Variants in COL6A3 observed in about 807,000 individuals in gnomAD.
COL6A3 encodes collagen alpha-3(VI) chain.
COL6A3 carries 137 observed loss-of-function variants against 274.1 expected under a neutral mutation model. The observed-to-expected ratio is 0.50, with a 90% CI of 0.44 to 0.58. The LOEUF (loss-of-function observed/expected upper bound fraction) is 0.58, where lower values mean the gene tolerates loss of function less well. COL6A3 is among the 20% of genes least tolerant of loss of function. COL6A3 has a pLI of 0.00. For synonymous variants in COL6A3, 1,650 were observed against 1,650.6 expected (o/e 1.00, Z 0.01); for missense variants, 3,950 against 4,124.9 (o/e 0.96, Z 1.16).
Position 237,324,560 on chromosome 2 carries a change from A to T in COL6A3, c.*214T>A, listed in dbSNP as rs1449926381. On this transcript the variant is annotated 3_prime_UTR_variant, in exon 44 of 44. Transcript: ENST00000295550. ...TTACACAACATTCAAAGTATTCGAG[A>T]GAACTGCCTGGAGACAGAGAGCGAG... 2 of 569,146 alleles carry T rather than the reference A, an allele frequency of 3.5e-6. No homozygotes were observed. The highest frequency in any genetic ancestry group is 6.4e-6 in the Non-Finnish European group (2 of 314,018). 35.3% of individuals were successfully genotyped at this position (569,146 alleles called of 1,614,324 possible). A position where few individuals can be genotyped will look rare whatever the true frequency, so the allele number is the denominator to read the frequency against.
intron 42 of COL6A3, among the ~76,000 whole-genome samples, chr2:237,332,117 A>ATATATATATATGTG (rs35490728): frequency 7.8e-5 from 5 of 64,206 alleles, no homozygotes; most frequent in East Asian, 6.7e-4. Context: ...ATATATATAT[A>ATATATATATATGTG]TGAAAAGAAA....
rs1279905986 is a variant in COL6A3 at position 237,379,100 on chromosome 2, A to G, written c.2033T>C (p.Val678Ala). 6.2e-7 allele frequency: 1 copy of G among 1,614,248 alleles called. No homozygotes were observed. Among genetic ancestry groups the G allele is most frequent in the Admixed American group, 1.7e-5 (1 of 60,030 alleles). ...SLDIGNDNIRVGLVQFSDTPV... is the reference protein window; with the variant it reads ...SLDIGNDNIRAGLVQFSDTPV... ...AGTGTCACTAAATTGCACTAAACCA[A>G]CACGAATATTGTCATTTCCAATATC... The change falls in exon 6 of 44, where the codon GTT becomes GCT. Residue 678 changes from valine (V) to alanine (A), a missense_variant. Transcript: ENST00000295550.
intron 3 of COL6A3, among the ~76,000 whole-genome samples, chr2:237,392,685 T>G (rs1023347997): frequency 6.6e-6 from 1 of 152,248 alleles, no homozygotes; most frequent in African/African-American, 2.4e-5. Flanking sequence ...TCCTCATGCC[T>G]ACTAAATACA....
chr2:237,337,800 G>A (rs72984182), intron 39 of COL6A3, among the ~76,000 whole-genome samples: 10,439 of 152,280 alleles, frequency 0.069, 477 homozygotes, highest in Non-Finnish European at 0.1. Context: ...TGGCACCCGA[G>A]ATGGAGCAGG....
chr2:237,370,348 T>A (rs1290878877), intron 9 of COL6A3, among the ~76,000 whole-genome samples: 1 of 151,650 alleles, frequency 6.6e-6, no homozygotes, highest in Non-Finnish European at 1.5e-5. Context: ...AAGTGATTCA[T>A]CTGCCTCAGC....
intron 17 of COL6A3, 124 bp from the exon 18 acceptor site, chr2:237,359,512 A>G: frequency 6.0e-6 from 6 of 1,005,186 alleles, no homozygotes; most frequent in Middle Eastern, 2.8e-4. Context: ...TGAAAATGTA[A>G]TATTAGAGTC....
Position 237,325,577 on chromosome 2 carries a change from T to C in COL6A3, c.9476A>G (p.Glu3159Gly). 1 of 1,614,186 alleles carries C rather than the reference T, an allele frequency of 6.2e-7. No homozygotes were observed. The highest frequency in any genetic ancestry group is 1.1e-5 in the South Asian group (1 of 91,082). ...ENKFGSQKEC[E>G]KVCAPVLAKP... ...TCACTTACCAGGAGCGCAAACCTTTTCACATTCTTTCTGTGATCCAAATTT... is the reference window on the plus strand; with the variant it reads ...TCACTTACCAGGAGCGCAAACCTTTCCACATTCTTTCTGTGATCCAAATTT... Residue 3159 changes from glutamate (E) to glycine (G), a missense_variant, in exon 43 of 44, where the codon GAA becomes GGA. Physicochemically the swap from Glu to Gly is moderately conservative, Grantham distance 98. Around this residue, in one of 5 missense-constraint regions of COL6A3, gnomAD observed 1,284 missense variants for 1,349.7 expected, o/e 0.95. Transcript: ENST00000295550.
intron 25 of COL6A3, among the ~76,000 whole-genome samples, chr2:237,352,882 C>T (rs1409437140): frequency 6.6e-6 from 1 of 152,222 alleles, no homozygotes; most frequent in African/African-American, 2.4e-5. Context: ...CCTAAATCTC[C>T]ATCAACCAAT....
Position 237,378,719 on chromosome 2 carries a change from A to G in COL6A3, c.2414T>C (p.Leu805Pro). 1 of 1,614,022 alleles carries G rather than the reference A, an allele frequency of 6.2e-7. No individual in the cohort carries two copies. ...LVYLMDDFSS[L>P]PALPQQLIQP... ...AATCAGCTGCTGAGGCAAAGCTGGC[A>G]GGGAGCTGAAATCATCCATGAGATA... is the stretch of plus-strand genomic sequence containing the variant. Residue 805 changes from leucine (L) to proline (P), a missense_variant, in exon 6 of 44, where the codon CTG becomes CCG. Transcript: ENST00000295550.
intron 3 of COL6A3, among the ~76,000 whole-genome samples, chr2:237,394,087 T>C (rs1195592647): frequency 2.0e-5 from 3 of 152,206 alleles, no homozygotes; most frequent in Non-Finnish European, 4.4e-5. Flanking sequence ...TTTCTTGTAA[T>C]TCCGATTCTA....
chr2:237,403,951 CTGAG>C (rs1037214960), intron 1 of COL6A3, among the ~76,000 whole-genome samples: 10 of 151,632 alleles, frequency 6.6e-5, no homozygotes, highest in African/African-American at 1.9e-4. Flanking sequence ...AGACCCATTC[CTGAG>C]TGTTTCTTCA....
Position 237,387,928 on chromosome 2 carries a change from G to T in COL6A3, c.966C>A (p.Ile322=), listed in dbSNP as rs369160080. 5.6e-6 allele frequency: 9 copies of T among 1,614,158 alleles called. No homozygotes were observed. Among genetic ancestry groups the T allele is most frequent in the African/African-American group, 1.3e-5 (1 of 75,040 alleles). Residue 322 remains isoleucine, a synonymous_variant, in exon 4 of 44, where the codon ATC becomes ATA. Coordinates refer to ENST00000295550, the MANE Select transcript of COL6A3 (RefSeq NM_004369.4). The stretch of plus-strand genomic sequence containing the variant: ...CCACCACGAAATCAAGGGCGAGGCC[G>T]ATATTGGCCAACTCCCCACCAGCAA... The part of the protein sequence containing the change: ...LGFAGGELAN[I]GLALDFVVEN...
At chr2:237,388,394 A>G (rs1286685824) in intron 3 of COL6A3, among the ~76,000 whole-genome samples, 1 of 152,234 alleles carries the variant, frequency 6.6e-6, no homozygotes, top group Non-Finnish European at 1.5e-5. Context: ...ATGGTGTAAA[A>G]AAGGGACATT....
At chr2:237,342,279 C>A (rs1329926070) in intron 36 of COL6A3, 118 bp from the exon 37 acceptor site, 4 of 791,024 alleles carry the variant, frequency 5.1e-6, no homozygotes, top group Middle Eastern at 2.6e-4. Context: ...CCCAATAGGG[C>A]AGTATTGGGA....
At chr2:237,379,326 T>C in intron 5 of COL6A3, 91 bp from the exon 6 acceptor site, 1 of 1,470,804 alleles carries the variant, frequency 6.8e-7, no homozygotes. Context: ...CATGCCAACA[T>C]TTAGAACACA....
At chr2:237,353,973 G>A (rs577117990) in intron 24 of COL6A3, among the ~76,000 whole-genome samples, 1 of 152,010 alleles carries the variant, frequency 6.6e-6, no homozygotes, top group African/African-American at 2.4e-5. Flanking sequence ...AGACAGAGCT[G>A]CCTCCCATTC....
intron 1 of COL6A3, among the ~76,000 whole-genome samples, chr2:237,404,595 G>A (rs1272434847): frequency 3.9e-5 from 6 of 152,154 alleles, no homozygotes; most frequent in Non-Finnish European, 8.8e-5. Flanking sequence ...AGTCTGGGAT[G>A]GGAAGAGCTG....
intron 4 of COL6A3, among the ~76,000 whole-genome samples, chr2:237,383,794 C>T (rs1296416654): frequency 6.6e-6 from 1 of 151,972 alleles, no homozygotes; most frequent in African/African-American, 2.4e-5. Flanking sequence ...CCCACGTTTT[C>T]CCTCCCCCTA....
Position 237,357,221 on chromosome 2 carries a change from T to C in COL6A3, c.6591+117A>G, listed in dbSNP as rs914048975. ...ATTGGAGTAACAACCGTTTCAGAAATCCTTTTACATTCACTCACTGCAGAG... is the reference window on the plus strand; with the variant it reads ...ATTGGAGTAACAACCGTTTCAGAAACCCTTTTACATTCACTCACTGCAGAG... On this transcript the variant is annotated intron_variant, in intron 23 of 43. Transcript: ENST00000295550. 4.5e-6 allele frequency: 4 copies of C among 882,582 alleles called. No homozygotes were observed. The African/African-American group carries it at 6.6e-5, about 14-fold the overall frequency. 54.7% of individuals were successfully genotyped at this position (882,582 alleles called of 1,614,324 possible). A position where few individuals can be genotyped will look rare whatever the true frequency, so the allele number is the denominator to read the frequency against.
Sources: gnomAD v4.1 joint callset for allele counts (sites outside exome capture counted in the v4.1 genomes callset) on GRCh38, gnomAD v4.1.1 for gene constraint, gnomAD v4.1.1 regional missense constraint, MANE v1.5 for transcripts, NCBI Gene and HGNC (gene_info 2026-07-23, HGNC 2026-07-21) for gene names.